LRFN5: variants seen among roughly 807,000 people sequenced by gnomAD.
The protein encoded by LRFN5 is leucine rich repeat and fibronectin type III domain containing 5.
A neutral mutation model predicts 45.6 loss-of-function variants in LRFN5; 24 were observed. The observed-to-expected ratio is 0.53, with a 90% confidence interval of 0.38 to 0.74. LRFN5 has a LOEUF of 0.74. LRFN5 is among the 30% of genes least tolerant of loss of function. The pLI is 0.00. For missense variants in LRFN5, 776 were observed against 861.5 expected (o/e 0.90, Z 1.24); for synonymous variants, 340 against 313.8 (o/e 1.08, Z -0.88).
At chr14:41,869,123 T>G (rs1889932718) in intron 2 of LRFN5, among the ~76,000 whole-genome samples, 1 of 152,208 alleles carries the variant, frequency 6.6e-6, no homozygotes, top group Admixed American at 6.6e-5. Context: ...GTGGTAGTTA[T>G]TCATTTCCAT....
At chr14:41,872,983 G>C (rs1331140379) in intron 2 of LRFN5, among the ~76,000 whole-genome samples, 1 of 152,096 alleles carries the variant, frequency 6.6e-6, no homozygotes, top group African/African-American at 2.4e-5. Context: ...ACTTCTTTAT[G>C]AGTCATAAAC....
At chr14:41,636,583 G>T (rs753849342) in intron 1 of LRFN5, among the ~76,000 whole-genome samples, 18 of 151,830 alleles carry the variant, frequency 1.2e-4, no homozygotes, top group Non-Finnish European at 2.4e-4. Flanking sequence ...CCTGCAGGTT[G>T]CGCATATGTA....
At chr14:41,796,949 G>C (rs1183445362) in intron 2 of LRFN5, among the ~76,000 whole-genome samples, 3 of 146,554 alleles carry the variant, frequency 2.0e-5, no homozygotes, top group Non-Finnish European at 4.6e-5. Context: ...TATTCTCTTT[G>C]TATCCTTTAC....
At chr14:41,727,014 T>C (rs781102808) in intron 1 of LRFN5, among the ~76,000 whole-genome samples, 9 of 152,200 alleles carry the variant, frequency 5.9e-5, no homozygotes, top group Non-Finnish European at 1.3e-4. Context: ...CATAACATCT[T>C]GGTGTTTTAT....
At chr14:41,801,837 C>T (rs766087593) in intron 2 of LRFN5, among the ~76,000 whole-genome samples, 6 of 152,196 alleles carry the variant, frequency 3.9e-5, no homozygotes, top group African/African-American at 7.2e-5. Context: ...GTGGGAGGGA[C>T]GAGTCTCATC....
At chr14:41,609,420 C>T (rs1482246264) in intron 1 of LRFN5, among the ~76,000 whole-genome samples, 1 of 151,762 alleles carries the variant, frequency 6.6e-6, no homozygotes, top group Non-Finnish European at 1.5e-5. Context: ...GTTGGATTTG[C>T]GACTGCCTAA....
chr14:41,629,735 T>G (rs1415019570), intron 1 of LRFN5, among the ~76,000 whole-genome samples: 1 of 152,182 alleles, frequency 6.6e-6, no homozygotes, highest in Non-Finnish European at 1.5e-5. Flanking sequence ...TGCTTCAAAG[T>G]TGAAGTTAGT....
intron 1 of LRFN5, among the ~76,000 whole-genome samples, chr14:41,651,342 G>T (rs1566604089): frequency 1.3e-5 from 2 of 152,108 alleles, no homozygotes; most frequent in South Asian, 4.1e-4. Flanking sequence ...TACAAGTACT[G>T]AATCTCAAAA....
chr14:41,714,555 G>A (rs531552715), intron 1 of LRFN5, among the ~76,000 whole-genome samples: 4 of 152,220 alleles, frequency 2.6e-5, no homozygotes, highest in African/African-American at 4.8e-5. Context: ...TTGGACAGAC[G>A]TGTGCTATTT....
chr14:41,696,311 G>A (rs1159595700), intron 1 of LRFN5, among the ~76,000 whole-genome samples: 1 of 152,030 alleles, frequency 6.6e-6, no homozygotes, highest in East Asian at 1.9e-4. Context: ...AATGACAGTG[G>A]ATACAGAATG....
At chr14:41,629,302 G>A (rs114705509) in intron 1 of LRFN5, among the ~76,000 whole-genome samples, 2,798 of 152,244 alleles carry the variant, frequency 0.018, 81 homozygotes, top group African/African-American at 0.064. Context: ...AACAACAGGA[G>A]AATGGGATTT....
In LRFN5 at chr14:41,636,615, T is replaced by TA. The variant is rs76637605; in HGVS notation, c.-197+28065dup. ...TGTACCCTAGAACTTAAAGTATAAT[T>TA]AAAAAAAAAAAAGTAAGTAGGTGCT... On this transcript the variant is annotated intron_variant, in intron 1 of 5. Coordinates refer to ENST00000298119, the MANE Select transcript of LRFN5 (RefSeq NM_152447.5). 5.6e-3 allele frequency among the ~76,000 whole-genome samples: 812 copies of TA among 144,058 alleles called. 3 individuals carry two copies. Among genetic ancestry groups the TA allele is most frequent in the Non-Finnish European group, 8.3e-3 (539 of 65,198 alleles). The allele number at this position is 144,058 out of a possible 152,430, so 94.5% of individuals were successfully genotyped here. A position where few individuals can be genotyped will look rare whatever the true frequency, so the allele number is the denominator to read the frequency against.
At chr14:41,826,143 A>G (rs973252738) in intron 2 of LRFN5, among the ~76,000 whole-genome samples, 15 of 152,198 alleles carry the variant, frequency 9.9e-5, no homozygotes, top group African/African-American at 3.4e-4. Context: ...CCATCATTTT[A>G]AAAGGATTTT....
chr14:41,638,350 A>G (rs1256959786), intron 1 of LRFN5, among the ~76,000 whole-genome samples: 1 of 152,098 alleles, frequency 6.6e-6, no homozygotes, highest in Non-Finnish European at 1.5e-5. Context: ...CAGTGGAAGC[A>G]TCTCTCTAGT....
intron 2 of LRFN5, among the ~76,000 whole-genome samples, chr14:41,794,537 A>G (rs188470003): frequency 6.6e-6 from 1 of 152,136 alleles, no homozygotes; most frequent in African/African-American, 2.4e-5. Flanking sequence ...TCTCTCCTCA[A>G]CAGGAGTGTA....
At chr14:41,733,018 G>A (rs540811473) in intron 1 of LRFN5, among the ~76,000 whole-genome samples, 71 of 150,768 alleles carry the variant, frequency 4.7e-4, no homozygotes, top group Non-Finnish European at 8.6e-4. Flanking sequence ...TGAAGATAGA[G>A]CATTAAAAAT....
chr14:41,806,827 A>T (rs370925272), intron 2 of LRFN5, among the ~76,000 whole-genome samples: 22 of 152,320 alleles, frequency 1.4e-4, no homozygotes, highest in African/African-American at 5.1e-4. Context: ...AAGACGTCTC[A>T]TCAGCTTACT....
At chr14:41,878,307 A>G (rs1890257678) in intron 2 of LRFN5, among the ~76,000 whole-genome samples, 2 of 152,166 alleles carry the variant, frequency 1.3e-5, no homozygotes, top group Admixed American at 6.5e-5. Flanking sequence ...AATTAATAGC[A>G]TTCTACTGAA....
chr14:41,778,854 A>T (rs1246126270), intron 2 of LRFN5, among the ~76,000 whole-genome samples: 1 of 151,804 alleles, frequency 6.6e-6, no homozygotes, highest in East Asian at 1.9e-4. Context: ...AGGATCTTGT[A>T]CATATTTTGT....
Sources: gnomAD v4.1 joint callset for allele counts (sites outside exome capture counted in the v4.1 genomes callset) on GRCh38, gnomAD v4.1.1 for gene constraint, MANE v1.5 for transcripts, NCBI Gene and HGNC (gene_info 2026-07-23, HGNC 2026-07-21) for gene names.